The following CELF2 variants were observed in gnomAD, a reference collection of about 807,000 sequenced individuals.
CELF2 encodes the protein CUGBP Elav-like family member 2, also known as CUG triplet repeat RNA-binding protein 2.
In CELF2, 8 loss-of-function variants were observed where a neutral mutation model predicts 62.6. The observed-to-expected ratio is 0.13, with a 90% CI of 0.07 to 0.23. CELF2 has a LOEUF of 0.23. Among genes scored for constraint, CELF2 ranks in the 10% least tolerant of loss-of-function variants. The pLI, the probability that CELF2 is intolerant of heterozygous loss-of-function variation, is 1.00. For missense variants in CELF2, 333 were observed against 671.0 expected, an observed-to-expected ratio of 0.50 and a Z score of 5.56; for synonymous variants, 258 against 250.0, an observed-to-expected ratio of 1.03 and a Z score of -0.30.
intron 1 of CELF2, among the ~76,000 whole-genome samples, chr10:11,081,474 C>T (rs1252579647): frequency 1.3e-5 from 2 of 151,766 alleles, no homozygotes; most frequent in African/African-American, 4.8e-5. Flanking sequence ...CATTCACGTT[C>T]CCAATAGAAC....
At chr10:10,684,586 A>T in the CELF2 span, among the ~76,000 whole-genome samples, 1 of 152,132 alleles carries the variant, frequency 6.6e-6, no homozygotes, top group African/African-American at 2.4e-5. Context: ...TCTACAAAAC[A>T]TAAACAAAAT....
the CELF2 span, among the ~76,000 whole-genome samples, chr10:10,764,721 AC>A: frequency 6.6e-6 from 1 of 152,180 alleles, no homozygotes; most frequent in Admixed American, 6.5e-5. Context: ...CCAATACTTT[AC>A]TTGGCAATTG....
the CELF2 span, among the ~76,000 whole-genome samples, chr10:10,691,270 T>C: frequency 3.3e-5 from 5 of 151,574 alleles, no homozygotes; most frequent in African/African-American, 1.2e-4. Flanking sequence ...GGTTTTTTGT[T>C]CTTGCGATAG....
chr10:11,279,537 A>T (rs894122894), intron 8 of CELF2, among the ~76,000 whole-genome samples: 1 of 152,208 alleles, frequency 6.6e-6, no homozygotes, highest in Non-Finnish European at 1.5e-5. Flanking sequence ...AGTCTCCAGC[A>T]GTCCACACTG....
At chr10:11,074,937 C>G (rs1463764568) in intron 1 of CELF2, 1 of 152,248 alleles carries the variant, frequency 6.6e-6, no homozygotes, top group Non-Finnish European at 1.5e-5. Flanking sequence ...AGTTCACTTT[C>G]AACCACTTAC....
At chr10:10,881,282 C>T (rs1173025490) in intron 1 of CELF2, among the ~76,000 whole-genome samples, 8 of 152,160 alleles carry the variant, frequency 5.3e-5, no homozygotes, top group Admixed American at 2.0e-4. Context: ...TGAGAGACCT[C>T]GCATGTCCAA....
rs547803757 is a variant in CELF2 at position 11,315,832 on chromosome 10, C to T, written c.1096+1574C>T. Among the ~76,000 whole-genome samples, 21 of 152,356 alleles carry T rather than the reference C, an allele frequency of 1.4e-4. No individual in the cohort carries two copies. The highest frequency in any genetic ancestry group is 4.3e-4 in the African/African-American group (18 of 41,588). On this transcript the variant is annotated intron_variant, in intron 10 of 12. Transcript: ENST00000633077. This position sits in a 1 kb window ranked among gnomAD's most constrained non-coding sequence, Gnocchi z 5.8. ...CTCTGACCTTGTCCTTCACCTAGGTCGAGGACGCGTGTGCTCGCACACATC... is the reference window on the plus strand; with the variant it reads ...CTCTGACCTTGTCCTTCACCTAGGTTGAGGACGCGTGTGCTCGCACACATC...
At chr10:10,889,792 G>T (rs1399948855) in intron 1 of CELF2, among the ~76,000 whole-genome samples, 3 of 152,182 alleles carry the variant, frequency 2.0e-5, no homozygotes, top group East Asian at 1.9e-4. Context: ...CAAGAGTATT[G>T]CATAGGAGAG....
intron 2 of CELF2, among the ~76,000 whole-genome samples, chr10:10,988,189 C>G (rs2053005770): frequency 2.6e-5 from 4 of 151,658 alleles, no homozygotes; most frequent in Admixed American, 2.0e-4. Flanking sequence ...TGGAACCAAC[C>G]TAAGTGCCCA....
the CELF2 span, among the ~76,000 whole-genome samples, chr10:10,793,326 T>A: frequency 6.6e-6 from 1 of 152,216 alleles, no homozygotes; most frequent in Non-Finnish European, 1.5e-5. Context: ...AAGCCATCTT[T>A]GAAAGTTTGT....
chr10:11,290,408 G>A lies in CELF2; in HGVS notation c.976+1856G>A, dbSNP rs370472357. On this transcript the variant is annotated intron_variant, in intron 9 of 12. Transcript: ENST00000633077. The surrounding 1 kb of genome is among the most constrained non-coding windows in gnomAD (Gnocchi z 4.3). ...CGGAGTGGGGGCTCTGTGGTGGACCGCGTCCGTTCCAGCCCACGTTGGGAG... is the reference window on the plus strand; with the variant it reads ...CGGAGTGGGGGCTCTGTGGTGGACCACGTCCGTTCCAGCCCACGTTGGGAG... 2.6e-5 allele frequency among the ~76,000 whole-genome samples: 4 copies of A among 152,154 alleles called. No homozygotes were observed. Among genetic ancestry groups the A allele is most frequent in the East Asian group, 1.9e-4 (1 of 5,174 alleles).
At chr10:10,854,840 A>AC (rs979237332) in intron 1 of CELF2, among the ~76,000 whole-genome samples, 1 of 151,106 alleles carries the variant, frequency 6.6e-6, no homozygotes, top group African/African-American at 2.4e-5. Flanking sequence ...CCCTGTTCTA[A>AC]CCCCCTAGCT....
chr10:10,685,627 A>C, the CELF2 span, among the ~76,000 whole-genome samples: 4 of 152,192 alleles, frequency 2.6e-5, no homozygotes, highest in African/African-American at 4.8e-5. Context: ...CTCAAAAGCC[A>C]AGCCCTAAAA....
the CELF2 span, among the ~76,000 whole-genome samples, chr10:10,783,802 G>A: frequency 6.6e-6 from 1 of 152,058 alleles, no homozygotes; most frequent in Non-Finnish European, 1.5e-5. Flanking sequence ...CTGGCAACAT[G>A]GTGAAACCTT....
At chr10:11,272,447 C>T (rs542633769) in intron 7 of CELF2, among the ~76,000 whole-genome samples, 2 of 152,268 alleles carry the variant, frequency 1.3e-5, no homozygotes, top group South Asian at 2.1e-4. Flanking sequence ...ATCACGCTCA[C>T]CTTCCTGTAC....
the CELF2 span, among the ~76,000 whole-genome samples, chr10:10,627,617 G>A: frequency 1.3e-5 from 2 of 152,316 alleles, no homozygotes; most frequent in Admixed American, 6.5e-5. Context: ...AGGGGATGGT[G>A]GCTCTTGGGT....
chr10:11,035,101 C>T (rs939478273), intron 1 of CELF2, among the ~76,000 whole-genome samples: 5 of 152,112 alleles, frequency 3.3e-5, no homozygotes, highest in Non-Finnish European at 4.4e-5. Flanking sequence ...TCCTTATCAC[C>T]GCCTTTCTTA....
At chr10:10,480,213 C>T in the CELF2 span, among the ~76,000 whole-genome samples, 1 of 152,220 alleles carries the variant, frequency 6.6e-6, no homozygotes, top group Non-Finnish European at 1.5e-5. Flanking sequence ...AAGAGCGTTT[C>T]TGTGAAAACA....
At chr10:10,726,820 G>C in the CELF2 span, among the ~76,000 whole-genome samples, 1 of 152,278 alleles carries the variant, frequency 6.6e-6, no homozygotes, top group East Asian at 1.9e-4. Context: ...TTCTCACATT[G>C]CTATCAAGAA....
Sources: gnomAD v4.1 joint callset for allele counts (sites outside exome capture counted in the v4.1 genomes callset) on GRCh38, gnomAD v4.1.1 for gene constraint, Gnocchi (gnomAD v3.1) non-coding constraint, MANE v1.5 for transcripts, NCBI Gene and HGNC (gene_info 2026-07-23, HGNC 2026-07-21) for gene names.